NRDC: variants seen among roughly 807,000 people sequenced by gnomAD.
NRDC encodes the protein nardilysin convertase.
Under a neutral mutation model 147.1 loss-of-function variants are expected in NRDC, and 54 were observed. The ratio of observed to expected loss-of-function variants is 0.37; its 90% CI spans 0.29 to 0.46. NRDC has a LOEUF of 0.46. Among genes scored for constraint, NRDC ranks in the 20% least tolerant of loss-of-function variants. The probability of loss-of-function intolerance (pLI) is 1.00; values close to 1 mark genes in which losing one functional copy is unlikely to be tolerated. For missense variants in NRDC, 1,082 were observed against 1,370.6 expected (o/e 0.79, Z 3.33); for synonymous variants, 440 against 482.1 (o/e 0.91, Z 1.14).
chr1:51,867,823 A>T (rs1166202601), intron 1 of NRDC, among the ~76,000 whole-genome samples: 4 of 152,240 alleles, frequency 2.6e-5, no homozygotes, highest in African/African-American at 4.8e-5. Flanking sequence ...AACTGCAAGT[A>T]CAGATAACTC....
At chr1:51,805,485 T>C (rs1202279368) in intron 19 of NRDC, 25 bp downstream of exon 19, 3 of 1,534,602 alleles carry the variant, frequency 2.0e-6, no homozygotes. Flanking sequence ...AAATGTATTT[T>C]CCAGAAAAAA....
intron 1 of NRDC, among the ~76,000 whole-genome samples, chr1:51,848,990 A>C (rs1337499740): frequency 6.6e-6 from 1 of 152,212 alleles, no homozygotes; most frequent in Non-Finnish European, 1.5e-5. Flanking sequence ...GAAAGACCTC[A>C]CTAAACAGTC....
At chr1:51,842,231 GTTTT>G (rs1288672336) in intron 1 of NRDC, among the ~76,000 whole-genome samples, 1 of 141,054 alleles carries the variant, frequency 7.1e-6, no homozygotes, top group East Asian at 2.0e-4. Flanking sequence ...AAAATGTTTG[GTTTT>G]TTTTTTTTTG....
At chr1:51,803,565 C>T (rs1228244457) in intron 20 of NRDC, among the ~76,000 whole-genome samples, 1 of 151,644 alleles carries the variant, frequency 6.6e-6, no homozygotes, top group African/African-American at 2.4e-5. Flanking sequence ...GAGAAACTGA[C>T]AGCAAAGGGA....
At chr1:51,869,256 T>C (rs1682967114) in intron 1 of NRDC, among the ~76,000 whole-genome samples, 1 of 152,182 alleles carries the variant, frequency 6.6e-6, no homozygotes, top group Non-Finnish European at 1.5e-5. Context: ...CAGGAATTCT[T>C]AAATTTTCTT....
chr1:51,869,075 G>A (rs1347191823), intron 1 of NRDC, among the ~76,000 whole-genome samples: 1 of 151,884 alleles, frequency 6.6e-6, no homozygotes, highest in Non-Finnish European at 1.5e-5. Flanking sequence ...AAGTAGCTGG[G>A]ACCACACCAG....
chr1:51,836,352 A>G, intron 2 of NRDC, 140 bp from the exon 3 acceptor site: 1 of 1,611,898 alleles, frequency 6.2e-7, no homozygotes, highest in Non-Finnish European at 8.5e-7. Context: ...CAGGAGGAGC[A>G]GCAAAGTGAA....
chr1:51,845,476 C>G (rs540859367), intron 1 of NRDC, among the ~76,000 whole-genome samples: 11 of 152,132 alleles, frequency 7.2e-5, no homozygotes, highest in Non-Finnish European at 1.3e-4. Context: ...GCCTGTAGTC[C>G]CAGCTACTCA....
At chr1:51,800,174 T>C (rs1318569413) in intron 21 of NRDC, among the ~76,000 whole-genome samples, 1 of 152,138 alleles carries the variant, frequency 6.6e-6, no homozygotes. Flanking sequence ...GAAGTCTTGC[T>C]ATATTGCCCA....
At chr1:51,870,976 A>T (rs751582625) in intron 1 of NRDC, among the ~76,000 whole-genome samples, 18 of 151,834 alleles carry the variant, frequency 1.2e-4, no homozygotes, top group Non-Finnish European at 2.5e-4. Flanking sequence ...ATCTCCTCTC[A>T]TCCCTTCCCC....
chr1:51,842,594 C>G lies in NRDC; in HGVS notation c.342-2080G>C, dbSNP rs182516252. On this transcript the variant is annotated intron_variant, in intron 1 of 30. Transcript: ENST00000352171. ...TTGTAACACAGGGAAATACAGAATTCAGCAACAAACTACGACAGTGGTTAA... is the reference window on the plus strand; with the variant it reads ...TTGTAACACAGGGAAATACAGAATTGAGCAACAAACTACGACAGTGGTTAA... Among the ~76,000 whole-genome samples the G allele has an allele frequency of 5.9e-5, 9 of 152,242 alleles. No homozygotes were observed. The East Asian group carries it at 1.5e-3, about 26-fold the overall frequency.
At chr1:51,839,409 C>A (rs1320039794) in intron 2 of NRDC, among the ~76,000 whole-genome samples, 1 of 152,030 alleles carries the variant, frequency 6.6e-6, no homozygotes, top group Non-Finnish European at 1.5e-5. Context: ...AAGTGATCTG[C>A]CCATCTCGGC....
chr1:51,857,958 A>G (rs1682334439), intron 1 of NRDC, among the ~76,000 whole-genome samples: 1 of 152,188 alleles, frequency 6.6e-6, no homozygotes. Context: ...ACCGTATTCT[A>G]CCTTCTAGCT....
At chr1:51,825,413 C>T in intron 5 of NRDC, 31 bp from the exon 6 acceptor site, 2 of 1,480,058 alleles carry the variant, frequency 1.4e-6, no homozygotes, top group Non-Finnish European at 1.9e-6. Context: ...CATAATAAAA[C>T]AAAATTCAGT....
Position 51,836,165 on chromosome 1 carries a change from A to T in NRDC, c.678T>A (p.Asp226Glu). The change falls in exon 3 of 31, where the codon GAT becomes GAA. Residue 226 changes from aspartate (D) to glutamate (E), a missense_variant. Asp to Glu is a conservative substitution (Grantham distance 45). This residue lies in a region of NRDC where 635 missense variants were observed against 923.8 expected (regional missense o/e 0.69). Transcript: ENST00000352171. ...CVGVGSFADPDDLPGLAHFLE... is the reference protein window; with the variant it reads ...CVGVGSFADPEDLPGLAHFLE... Reference sequence around the variant, plus strand: ...AAAAGTGTGCCAGCCCCGGCAGGTCATCTGGATCAGCGAAACTCCCAACTC... The same window carrying T: ...AAAAGTGTGCCAGCCCCGGCAGGTCTTCTGGATCAGCGAAACTCCCAACTC... The T allele has an allele frequency of 1.9e-6, 3 of 1,614,208 alleles. No individual in the cohort carries two copies. Among genetic ancestry groups the T allele is most frequent in the Non-Finnish European group, 2.5e-6 (3 of 1,180,040 alleles).
chr1:51,834,216 A>G (rs771888549), intron 3 of NRDC, 46 bp from the exon 4 acceptor site: 3 of 1,594,108 alleles, frequency 1.9e-6, no homozygotes, highest in Admixed American at 1.7e-5. Flanking sequence ...GATATAGAAA[A>G]TATTTTTATC....
chr1:51,810,528 T>C (rs1044120061), intron 15 of NRDC, 124 bp from the exon 16 acceptor site: 1 of 764,752 alleles, frequency 1.3e-6, no homozygotes, highest in Non-Finnish European at 2.0e-6. Flanking sequence ...TACCTACAGT[T>C]CATGAACACC....
At chr1:51,850,017 A>G (rs974052583) in intron 1 of NRDC, among the ~76,000 whole-genome samples, 2 of 151,972 alleles carry the variant, frequency 1.3e-5, no homozygotes, top group African/African-American at 4.8e-5. Context: ...TTCGCTACTA[A>G]AAATACAAAA....
intron 1 of NRDC, among the ~76,000 whole-genome samples, chr1:51,865,686 A>G (rs1330442708): frequency 2.0e-5 from 3 of 152,126 alleles, no homozygotes; most frequent in African/African-American, 7.2e-5. Flanking sequence ...CTCCACTCCC[A>G]CTGCTTCACT....
Sources: gnomAD v4.1 joint callset for allele counts (sites outside exome capture counted in the v4.1 genomes callset) on GRCh38, gnomAD v4.1.1 for gene constraint, gnomAD v4.1.1 regional missense constraint, MANE v1.5 for transcripts, NCBI Gene and HGNC (gene_info 2026-07-23, HGNC 2026-07-21) for gene names.